Variants in KMT2B observed in about 807,000 individuals in gnomAD.
KMT2B encodes lysine methyltransferase 2B, also known as histone-lysine N-methyltransferase 2B.
Under a neutral mutation model 255.3 loss-of-function variants are expected in KMT2B, and 22 were observed. That is an observed-to-expected ratio of 0.09 (90% CI 0.06 to 0.12). KMT2B has a LOEUF of 0.12. Among genes scored for constraint, KMT2B ranks in the 10% least tolerant of loss-of-function variants. The probability of loss-of-function intolerance (pLI) is 1.00; values close to 1 mark genes in which losing one functional copy is unlikely to be tolerated. For missense variants in KMT2B, 3,149 were observed against 3,737.0 expected (o/e 0.84, Z 4.10); for synonymous variants, 1,730 against 1,498.1 (o/e 1.15, Z -3.57).
rs750390246 is a variant in KMT2B at position 35,736,979 on chromosome 19, C to T, written c.7365C>T (p.Ser2455=). 4.3e-6 allele frequency: 7 copies of T among 1,613,500 alleles called. No individual in the cohort carries two copies. ...ARGHARLRHL[S]FSGMSGARLL... The stretch of plus-strand genomic sequence containing the variant: ...GGCATGCCCGACTCAGACATCTCTC[C>T]TTTAGTGGTAAGGAGTGGGCCCCAC... Residue 2455 remains serine (S), a synonymous_variant, in exon 32 of 37, where the codon TCC becomes TCT. Coordinates refer to ENST00000420124, the MANE Select transcript of KMT2B (RefSeq NM_014727.3).
rs756101924 is a variant in KMT2B at position 35,719,991 on chromosome 19, C to T, written c.644C>T (p.Thr215Ile). 3.1e-6 allele frequency: 5 copies of T among 1,612,874 alleles called. No individual in the cohort carries two copies. Among genetic ancestry groups the T allele is most frequent in the African/African-American group, 2.7e-5 (2 of 74,924 alleles). ...APRSRACEPS[T>I]PRRSRGRPPG... ...CGGAGCCGGGCATGTGAGCCCTCCA[C>T]CCCCCGGCGGTCTCGGGGACGGCCC... Residue 215 changes from threonine to isoleucine, a missense_variant, in exon 3 of 37, where the codon ACC becomes ATC. Physicochemically the swap from Thr to Ile is moderately conservative, Grantham distance 89 (BLOSUM62 -1). Transcript: ENST00000420124.
rs375845181 is a variant in KMT2B at position 35,732,318 on chromosome 19, G to C, written c.5769G>C (p.Pro1923=). The change falls in exon 28 of 37, where the codon CCG becomes CCC. Residue 1923 remains proline, a synonymous_variant. Transcript: ENST00000420124. The part of the protein sequence containing the change: ...SRRPSPLAPR[P]PPSRWASPPL... ...GTCCCAGCCCTTTGGCTCCCAGGCCGCCTCCATCACGGTGGGCCTCCCCTC... is the reference window on the plus strand; with the variant it reads ...GTCCCAGCCCTTTGGCTCCCAGGCCCCCTCCATCACGGTGGGCCTCCCCTC... The C allele has an allele frequency of 6.2e-7, 1 of 1,610,722 alleles. No individual in the cohort carries two copies. The highest frequency in any genetic ancestry group is 8.5e-7 in the Non-Finnish European group (1 of 1,178,582).
Position 35,737,675 on chromosome 19 carries a change from G to C in KMT2B, c.7590G>C (p.Gln2530His). 6.3e-7 allele frequency: 1 copy of C among 1,576,514 alleles called. No individual in the cohort carries two copies. The highest frequency in any genetic ancestry group is 8.6e-7 in the Non-Finnish European group (1 of 1,160,586). ...ACATGTTCAACTTCCTGGCCTCCCA[G>C]CACCGGGTGCTCCCTGAGGGGGCCA... Reference protein sequence around the residue: ...TFDMFNFLASQHRVLPEGATC... With the variant: ...TFDMFNFLASHHRVLPEGATC... Residue 2530 changes from glutamine to histidine, a missense_variant, in exon 34 of 37, where the codon CAG becomes CAC. Physicochemically the swap from Gln to His is conservative, Grantham distance 24. Coordinates refer to ENST00000420124, the MANE Select transcript of KMT2B (RefSeq NM_014727.3). This position sits in a 1 kb window ranked among gnomAD's most constrained non-coding sequence, Gnocchi z 5.3.
At chr19:35,728,402 G>A (rs1969553514) in intron 19 of KMT2B, among the ~76,000 whole-genome samples, 1 of 152,164 alleles carries the variant, frequency 6.6e-6, no homozygotes, top group Non-Finnish European at 1.5e-5. Context: ...AATCAGATTG[G>A]GCTCTGCTTA....
rs552100579 is a variant in KMT2B at position 35,730,329 on chromosome 19, C to A, written c.5077-13C>A. The A allele has an allele frequency of 6.2e-7, 1 of 1,609,576 alleles. No homozygotes were observed. The highest frequency in any genetic ancestry group is 8.5e-7 in the Non-Finnish European group (1 of 1,176,144). On this transcript the variant is annotated splice_polypyrimidine_tract_variant and intron_variant, in intron 23 of 36. Transcript: ENST00000420124. ...CCAATGCAGCCACCTCACTTTGCCA[C>A]CCCCTCTTCCAGGAAATTGTGAACC...
In KMT2B at chr19:35,727,140, TC is replaced by T. The variant is rs754356475; in HGVS notation, c.4004-15del. 5 of 1,587,144 alleles carry T rather than the reference TC, an allele frequency of 3.2e-6. No individual in the cohort carries two copies. In the African/African-American group the frequency reaches 6.7e-5, roughly 21 times the overall value. ...GAACTCCAGCACCTCTGACTCCTTC[TC>T]TTCCCTTTCTCTAGGAAACTACTGC... On this transcript the variant is annotated splice_polypyrimidine_tract_variant and intron_variant, in intron 14 of 36. Coordinates refer to ENST00000420124, the MANE Select transcript of KMT2B (RefSeq NM_014727.3). The surrounding 1 kb of genome is among the most constrained non-coding windows in gnomAD (Gnocchi z 4.2).
rs568025568 is a variant in KMT2B, at chr19:35,731,530, A to G, written c.5438-378A>G. 5.3e-5 allele frequency among the ~76,000 whole-genome samples: 8 copies of G among 152,106 alleles called. No individual in the cohort carries two copies. The South Asian group carries it at 1.7e-3, about 32-fold the overall frequency. On this transcript the variant is annotated intron_variant, in intron 26 of 36. Coordinates refer to ENST00000420124, the MANE Select transcript of KMT2B (RefSeq NM_014727.3). ...CAGTTTGCAGAGGTTGGGTGGAGCCAGGTAATGGAGAGCCTCCGGGCCGGG... is the reference window on the plus strand; with the variant it reads ...CAGTTTGCAGAGGTTGGGTGGAGCCGGGTAATGGAGAGCCTCCGGGCCGGG...
Position 35,719,868 on chromosome 19 carries a change from C to G in KMT2B, c.521C>G (p.Pro174Arg). 2 of 1,613,432 alleles carry G rather than the reference C, an allele frequency of 1.2e-6. No homozygotes were observed. The highest frequency in any genetic ancestry group is 1.1e-5 in the South Asian group (1 of 91,090). ...CTAGCAGATGTGGCTCCTACCCCCC[C>G]AAAGACCCCTGCCCGGAAACGGGGT... is the stretch of plus-strand genomic sequence containing the variant. ...PRLADVAPTP[P>R]KTPARKRGEE... is the part of the protein sequence containing the mutation. The change falls in exon 3 of 37, where the codon CCA (proline) becomes CGA (arginine). Residue 174 changes from proline to arginine, a missense_variant. Coordinates refer to ENST00000420124, the MANE Select transcript of KMT2B (RefSeq NM_014727.3).
rs866027702 is a variant in KMT2B at position 35,719,521 on chromosome 19, C to T, written c.416C>T (p.Ser139Phe). The T allele has an allele frequency of 6.3e-7, 1 of 1,591,916 alleles. No individual in the cohort carries two copies. The highest frequency in any genetic ancestry group is 8.6e-7 in the Non-Finnish European group (1 of 1,169,386). The change falls in exon 2 of 37, where the codon TCT becomes TTT. Residue 139 changes from serine to phenylalanine, a missense_variant. Ser to Phe is a radical substitution (Grantham distance 155). This residue lies in a region of KMT2B where 1,188 missense variants were observed against 1,106.4 expected (regional missense o/e 1.07). Transcript: ENST00000420124. Reference protein sequence around the residue: ...DEDVAPSSLRSALRSQRGRAP... With the variant: ...DEDVAPSSLRFALRSQRGRAP... ...GATGTGGCCCCCAGTTCCCTGCGCT[C>T]TGCGCTCCGATCCCAGCGAGGTGAG...
chr19:35,724,971 C>T lies in KMT2B; in HGVS notation c.3430-18C>T, dbSNP rs1969376720. On this transcript the variant is annotated intron_variant, in intron 9 of 36. Transcript: ENST00000420124. ...GGCCAGGCTGGCAGCTCTGAATTCC[C>T]CCACCTTTCCTCCCCAGGATGCTTT... 1 of 1,568,066 alleles carries T rather than the reference C, an allele frequency of 6.4e-7. No individual in the cohort carries two copies. Among genetic ancestry groups the T allele is most frequent in the Middle Eastern group, 1.7e-4 (1 of 6,000 alleles).
rs1157820452 is a variant in KMT2B, at chr19:35,737,125, C to T, written c.7412C>T (p.Ala2471Val). The T allele has an allele frequency of 6.2e-7, 1 of 1,610,730 alleles. No individual in the cohort carries two copies. Among genetic ancestry groups the T allele is most frequent in the South Asian group, 1.1e-5 (1 of 90,652 alleles). ...AGACTCCTGGGCATCCACCATGATG[C>T]TGTCATCTTCCTGGCCGAGCAGCTC... ...GARLLGIHHD[A>V]VIFLAEQLPG... Residue 2471 changes from alanine (A) to valine (V), a missense_variant, in exon 33 of 37, where the codon GCT (alanine) becomes GTT (valine). Physicochemically the swap from Ala to Val is moderately conservative, Grantham distance 64. Transcript: ENST00000420124. This position sits in a 1 kb window ranked among gnomAD's most constrained non-coding sequence, Gnocchi z 5.3.
Position 35,725,872 on chromosome 19 carries a change from C to A in KMT2B, c.3885+54C>A. Reference sequence around the variant, plus strand: ...TGTCTCTAATGAATATCACCACCACCCCCAAACTTGCTCTAGGCTGGGGCT... The same window carrying A: ...TGTCTCTAATGAATATCACCACCACACCCAAACTTGCTCTAGGCTGGGGCT... On this transcript the variant is annotated intron_variant, in intron 13 of 36. Coordinates refer to ENST00000420124, the MANE Select transcript of KMT2B (RefSeq NM_014727.3). The surrounding 1 kb of genome is among the most constrained non-coding windows in gnomAD (Gnocchi z 4.1). The A allele has an allele frequency of 2.8e-6, 4 of 1,435,422 alleles. No individual in the cohort carries two copies. The highest frequency in any genetic ancestry group is 3.8e-6 in the Non-Finnish European group (4 of 1,042,088). The allele number at this position is 1,435,422 out of a possible 1,614,324, so 88.9% of individuals were successfully genotyped here. A position where few individuals can be genotyped will look rare whatever the true frequency, so the allele number is the denominator to read the frequency against.
In KMT2B at chr19:35,718,078, C is replaced by T. The variant is rs1390031315; in HGVS notation, c.60C>T (p.Phe20=). ...CPGPGSARGR[F]PGRPRGAGGG... is the part of the protein sequence containing the mutation. ...GGCCTGGCTCCGCGCGGGGCCGCTTCCCGGGCCGGCCGCGGGGCGCCGGCG... is the reference window on the plus strand; with the variant it reads ...GGCCTGGCTCCGCGCGGGGCCGCTTTCCGGGCCGGCCGCGGGGCGCCGGCG... Residue 20 remains phenylalanine, a synonymous_variant, in exon 1 of 37, where the codon TTC becomes TTT. Coordinates refer to ENST00000420124, the MANE Select transcript of KMT2B (RefSeq NM_014727.3). The surrounding 1 kb of genome is among the most constrained non-coding windows in gnomAD (Gnocchi z 5.0). The T allele has an allele frequency of 7.0e-5, 69 of 987,210 alleles. 2 individuals are homozygous for T. The East Asian group carries it at 1.9e-3, about 27-fold the overall frequency. The allele number at this position is 987,210 out of a possible 1,614,324, so 61.2% of individuals were successfully genotyped here. A position where few individuals can be genotyped will look rare whatever the true frequency, so the allele number is the denominator to read the frequency against.
chr19:35,730,283 C>A (rs1969640626), intron 23 of KMT2B, 59 bp from the exon 24 acceptor site: 1 of 1,604,784 alleles, frequency 6.2e-7, no homozygotes, highest in African/African-American at 1.3e-5. Context: ...GTTCAGACTT[C>A]CCTGGCATCC....
chr19:35,719,448 C>G, intron 1 of KMT2B, 21 bp from the exon 2 acceptor site: 1 of 1,558,804 alleles, frequency 6.4e-7, no homozygotes, highest in South Asian at 1.2e-5. Flanking sequence ...TTCTCCCCTC[C>G]ACCCCGGTCC....
At position 35,718,266 on chromosome 19, in the gene KMT2B, T is replaced by G; in HGVS notation, c.248T>G (p.Leu83Arg). 1 of 1,213,188 alleles carries G rather than the reference T, an allele frequency of 8.2e-7. No homozygotes were observed. Among genetic ancestry groups the G allele is most frequent in the Non-Finnish European group, 1.0e-6 (1 of 968,102 alleles). 75.2% of individuals were successfully genotyped at this position (1,213,188 alleles called of 1,614,324 possible). A position where few individuals can be genotyped will look rare whatever the true frequency, so the allele number is the denominator to read the frequency against. The change falls in exon 1 of 37, where the codon CTG becomes CGG. Residue 83 changes from leucine (L) to arginine (R), a missense_variant. Physicochemically the swap from Leu to Arg is moderately radical, Grantham distance 102. This residue lies in a region of KMT2B where 1,188 missense variants were observed against 1,106.4 expected (regional missense o/e 1.07). Coordinates refer to ENST00000420124, the MANE Select transcript of KMT2B (RefSeq NM_014727.3). This position sits in a 1 kb window ranked among gnomAD's most constrained non-coding sequence, Gnocchi z 5.0. ...LRRGLRRLRRLWAGPRVQRGR... is the reference protein window; with the variant it reads ...LRRGLRRLRRRWAGPRVQRGR... ...CGGGGCCTGCGCCGGCTCCGCCGCC[T>G]GTGGGCCGGCCCGCGGGTCCAGCGG... is the stretch of plus-strand genomic sequence containing the variant.
chr19:35,724,113 G>A, intron 8 of KMT2B, 106 bp downstream of exon 8: 1 of 1,154,074 alleles, frequency 8.7e-7, no homozygotes, highest in Non-Finnish European at 1.2e-6. Flanking sequence ...GTCTGATAGA[G>A]AAGGTGGCTG....
rs930333173 is a variant in KMT2B at position 35,732,481 on chromosome 19, G to A, written c.5932G>A (p.Glu1978Lys). 5.0e-6 allele frequency: 8 copies of A among 1,613,914 alleles called. No homozygotes were observed. The highest frequency in any genetic ancestry group is 2.2e-5 in the South Asian group (2 of 91,086). The change falls in exon 28 of 37, where the codon GAG becomes AAG. Residue 1978 changes from glutamate (E) to lysine (K), a missense_variant. Transcript: ENST00000420124. ...CCCTGAAGACCTGGGCCCAGACTTC[G>A]AGGACATGGAGGTGGTGTCAGGACT... ...PPPEDLGPDF[E>K]DMEVVSGLSA... is the part of the protein sequence containing the mutation.
At chr19:35,728,746 A>G (rs765438151) in intron 19 of KMT2B, 28 bp from the exon 20 acceptor site, 17 of 1,590,950 alleles carry the variant, frequency 1.1e-5, no homozygotes, top group African/African-American at 6.7e-5. Flanking sequence ...TGTTGGGCAC[A>G]TCAGCTGCTA....
Sources: allele counts gnomAD v4.1 joint callset (sites outside exome capture counted in the v4.1 genomes callset), GRCh38; gene constraint gnomAD v4.1.1; regional missense constraint gnomAD v4.1.1; non-coding constraint Gnocchi (gnomAD v3.1); transcripts MANE v1.5; gene names NCBI Gene and HGNC (gene_info 2026-07-23, HGNC 2026-07-21).